NDST4: variants seen among roughly 807,000 people sequenced by gnomAD.
NDST4 encodes the protein N-heparan sulfate sulfotransferase 4.
In NDST4, 63 loss-of-function variants were observed where a neutral mutation model predicts 100.8. That is an observed-to-expected ratio of 0.62 (90% confidence interval 0.51 to 0.77). NDST4 has a LOEUF of 0.77. Ranked by LOEUF, NDST4 falls within the 30% of genes least tolerant of loss-of-function variation. NDST4 has a pLI of 0.00. For synonymous variants in NDST4, 377 were observed against 361.8 expected (o/e 1.04, Z -0.48); for missense variants, 943 against 1,018.4 (o/e 0.93, Z 1.01).
intron 2 of NDST4, among the ~76,000 whole-genome samples, chr4:115,033,705 C>A (rs1397621733): frequency 6.6e-6 from 1 of 151,912 alleles, no homozygotes; most frequent in Non-Finnish European, 1.5e-5. Context: ...AAAGACTGCA[C>A]AATATAAACC....
intron 2 of NDST4, among the ~76,000 whole-genome samples, chr4:115,056,868 T>C (rs563427438): frequency 2.7e-5 from 4 of 150,062 alleles, no homozygotes; most frequent in African/African-American, 7.3e-5. Flanking sequence ...TTTTGGATGA[T>C]TACGGTCAGA....
At chr4:114,839,234 G>C in intron 11 of NDST4, 144 bp downstream of exon 11, 1 of 619,044 alleles carries the variant, frequency 1.6e-6, no homozygotes, top group Non-Finnish European at 2.5e-6. Flanking sequence ...ACTGTCTCTG[G>C]CAATGTTAAT....
At chr4:114,846,022 T>G (rs1373221624) in intron 9 of NDST4, 25 bp from the exon 10 acceptor site, 1 of 1,526,776 alleles carries the variant, frequency 6.5e-7, no homozygotes, top group East Asian at 2.3e-5. Flanking sequence ...AGACAATTAA[T>G]TAATCTGAAA....
chr4:114,972,607 T>C (rs1192032374), intron 3 of NDST4, among the ~76,000 whole-genome samples: 1 of 152,038 alleles, frequency 6.6e-6, no homozygotes, highest in Non-Finnish European at 1.5e-5. Context: ...GTTTATATGT[T>C]TCTCATGGTC....
At chr4:115,003,862 T>C (rs2583519) in intron 2 of NDST4, among the ~76,000 whole-genome samples, 51,878 of 150,844 alleles carry the variant, frequency 0.34, 9,014 homozygotes, top group Middle Eastern at 0.49. Context: ...TGTAAGACTC[T>C]GTCTCAAAAA....
At chr4:114,992,639 G>A (rs541048068) in intron 2 of NDST4, among the ~76,000 whole-genome samples, 1 of 151,626 alleles carries the variant, frequency 6.6e-6, no homozygotes, top group South Asian at 2.1e-4. Context: ...GTATTTACAG[G>A]ATGCCAAACC....
intron 4 of NDST4, 118 bp downstream of exon 4, chr4:114,970,312 A>G (rs1726482097): frequency 4.5e-6 from 4 of 881,170 alleles, no homozygotes; most frequent in Non-Finnish European, 6.7e-6. Context: ...CATGTGATGC[A>G]CCCTGATATT....
intron 6 of NDST4, among the ~76,000 whole-genome samples, chr4:114,917,073 C>G (rs1725189402): frequency 6.6e-6 from 1 of 152,026 alleles, no homozygotes; most frequent in South Asian, 2.1e-4. Context: ...GCTCAAGTCC[C>G]TCACATAAAA....
In NDST4 at chr4:115,076,914, C is replaced by A; in HGVS notation, c.123G>T (p.Met41Ile). ...CTTCTGCAGTGGTTTCAATAAGTGT[C>A]ATTTCCTGTTTGTAGCCAGAGTAGA... ...YFLYSGYKQE[M>I]TLIETTAEAE... Residue 41 changes from methionine (M) to isoleucine (I), a missense_variant, in exon 2 of 14, where the codon ATG (methionine) becomes ATT (isoleucine). Physicochemically the swap from Met to Ile is conservative, Grantham distance 10. Coordinates refer to ENST00000264363, the MANE Select transcript of NDST4 (RefSeq NM_022569.3). 1.2e-6 allele frequency: 2 copies of A among 1,613,726 alleles called. No homozygotes were observed. Among genetic ancestry groups the A allele is most frequent in the East Asian group, 2.2e-5 (1 of 44,756 alleles).
At chr4:114,851,198 G>A (rs1297041465) in intron 8 of NDST4, among the ~76,000 whole-genome samples, 1 of 152,156 alleles carries the variant, frequency 6.6e-6, no homozygotes, top group African/African-American at 2.4e-5. Context: ...TGACCCCCCT[G>A]CAGTGAATTT....
At chr4:114,901,299 T>C (rs1376490542) in intron 6 of NDST4, among the ~76,000 whole-genome samples, 1 of 152,078 alleles carries the variant, frequency 6.6e-6, no homozygotes, top group African/African-American at 2.4e-5. Context: ...AGTTCTATCG[T>C]TTTTGCCTTC....
chr4:114,870,755 TG>T lies in NDST4; in HGVS notation c.1719+12del. ...TCTTTCCTTCCACCCCAAGAGAGAA[TG>T]TTAAATGTTACCTGCCATAGAGGGT... On this transcript the variant is annotated intron_variant, in intron 7 of 13. Transcript: ENST00000264363. The T allele has an allele frequency of 6.3e-7, 1 of 1,589,550 alleles. No individual in the cohort carries two copies.
intron 2 of NDST4, among the ~76,000 whole-genome samples, chr4:115,045,838 G>A (rs916988834): frequency 2.0e-5 from 3 of 152,108 alleles, no homozygotes; most frequent in African/African-American, 7.2e-5. Context: ...AAATATGGGA[G>A]AATTGCCACA....
At chr4:114,895,716 A>G (rs1240119992) in intron 6 of NDST4, among the ~76,000 whole-genome samples, 1 of 152,196 alleles carries the variant, frequency 6.6e-6, no homozygotes, top group Non-Finnish European at 1.5e-5. Context: ...CCTGATGAAC[A>G]TTGATGTGAA....
At chr4:115,076,035 G>A (rs757126549) in intron 2 of NDST4, 24 bp downstream of exon 2, 13 of 1,568,172 alleles carry the variant, frequency 8.3e-6, no homozygotes, top group Admixed American at 3.8e-5. Context: ...TACAAATTTC[G>A]ATGTTGTCTA....
At chr4:114,878,513 T>C (rs2126199962) in intron 6 of NDST4, among the ~76,000 whole-genome samples, 1 of 152,272 alleles carries the variant, frequency 6.6e-6, no homozygotes, top group East Asian at 1.9e-4. Flanking sequence ...ATTTAAAAAA[T>C]CAGATTGCTA....
At chr4:115,107,118 A>T (rs1036052766) in intron 1 of NDST4, among the ~76,000 whole-genome samples, 1 of 152,048 alleles carries the variant, frequency 6.6e-6, no homozygotes, top group Admixed American at 6.6e-5. Flanking sequence ...TGATTGCTCC[A>T]CTGCCTCCAC....
chr4:114,898,150 T>G (rs2126208895), intron 6 of NDST4, among the ~76,000 whole-genome samples: 1 of 152,328 alleles, frequency 6.6e-6, no homozygotes, highest in African/African-American at 2.4e-5. Context: ...ATCTACGTTT[T>G]TAACCATGCT....
intron 5 of NDST4, among the ~76,000 whole-genome samples, chr4:114,936,747 A>G (rs931531685): frequency 2.6e-5 from 4 of 152,168 alleles, no homozygotes. Flanking sequence ...TTCAATTACT[A>G]TATCTGAAAA....
Sources: allele counts gnomAD v4.1 joint callset (sites outside exome capture counted in the v4.1 genomes callset), GRCh38; gene constraint gnomAD v4.1.1; transcripts MANE v1.5; gene names NCBI Gene and HGNC (gene_info 2026-07-23, HGNC 2026-07-21).